Variants in PPFIBP1 observed in about 807,000 individuals in gnomAD.
PPFIBP1 encodes the protein PPFIB scaffold protein 1.
In PPFIBP1, 112 loss-of-function variants were observed where a neutral mutation model predicts 137.8. That is an observed-to-expected ratio of 0.81 (90% CI 0.70 to 0.95). PPFIBP1 has a LOEUF of 0.95. Among genes scored for constraint, PPFIBP1 ranks in the 40% least tolerant of loss-of-function variants. The pLI is 0.00. For synonymous variants in PPFIBP1, 378 were observed against 417.3 expected (o/e 0.91, Z 1.15); for missense variants, 1,083 against 1,196.6 (o/e 0.91, Z 1.40).
Position 27,673,835 on chromosome 12 carries a change from C to T in PPFIBP1, c.1380+8C>T. 3 of 1,610,954 alleles carry T rather than the reference C, an allele frequency of 1.9e-6. No homozygotes were observed. In the South Asian group the frequency reaches 3.3e-5, roughly 18 times the overall value. ...AAAGAGACATCTGATGGGGTGGGTT[C>T]TGTGTTTTTTGTTTTTTTTTGTCTG... On this transcript the variant is annotated splice_region_variant and intron_variant, in intron 16 of 29. Coordinates refer to ENST00000228425, the MANE Select transcript of PPFIBP1 (RefSeq NM_003622.4).
At chr12:27,617,332 C>G (rs2055869264) in intron 2 of PPFIBP1, among the ~76,000 whole-genome samples, 1 of 152,162 alleles carries the variant, frequency 6.6e-6, no homozygotes, top group Non-Finnish European at 1.5e-5. Flanking sequence ...AAAGGTATGT[C>G]TCTTGGCAGG....
intron 2 of PPFIBP1, among the ~76,000 whole-genome samples, chr12:27,585,281 A>G (rs1206460146): frequency 6.6e-6 from 1 of 152,228 alleles, no homozygotes; most frequent in Non-Finnish European, 1.5e-5. Context: ...TAGTCAGAGA[A>G]GTAGAAAGAT....
At chr12:27,539,455 G>T (rs935862291) in intron 1 of PPFIBP1, among the ~76,000 whole-genome samples, 2 of 152,196 alleles carry the variant, frequency 1.3e-5, no homozygotes, top group African/African-American at 2.4e-5. Flanking sequence ...TGGTGTGCGG[G>T]TTTAAATCTT....
intron 24 of PPFIBP1, among the ~76,000 whole-genome samples, chr12:27,684,025 T>G (rs996349125): frequency 1.6e-4 from 25 of 152,112 alleles, no homozygotes; most frequent in Admixed American, 2.6e-4. Context: ...CTGACCTCGT[T>G]ATCCACCCAC....
At chr12:27,683,230 AT>A (rs2060989249) in intron 24 of PPFIBP1, among the ~76,000 whole-genome samples, 1 of 151,882 alleles carries the variant, frequency 6.6e-6, no homozygotes, top group African/African-American at 2.4e-5. Flanking sequence ...TACCCAGCTA[AT>A]TTTTTTGTAT....
At position 27,658,817 on chromosome 12, in the gene PPFIBP1, T is replaced by A; in HGVS notation, c.813T>A (p.Asp271Glu). 6.2e-7 allele frequency: 1 copy of A among 1,612,634 alleles called. No individual in the cohort carries two copies. Among genetic ancestry groups the A allele is most frequent in the Non-Finnish European group, 8.5e-7 (1 of 1,178,996 alleles). The change falls in exon 10 of 30, where the codon GAT (aspartate) becomes GAA (glutamate). Residue 271 changes from aspartate (D) to glutamate (E), a missense_variant and splice_region_variant. Coordinates refer to ENST00000228425, the MANE Select transcript of PPFIBP1 (RefSeq NM_003622.4). ...AATCCAATGGGTTTTCCTGCACAGA[T>A]GAAAATTTTAAAAAGAAGCTCAAAG... The part of the protein sequence containing the change: ...KGEGVEIVDR[D>E]ENFKKKLKEK...
intron 2 of PPFIBP1, among the ~76,000 whole-genome samples, chr12:27,600,992 T>A (rs2053923103): frequency 6.6e-6 from 1 of 152,204 alleles, no homozygotes; most frequent in Non-Finnish European, 1.5e-5. Flanking sequence ...ATCATTTCTT[T>A]CAGCTATTTT....
chr12:27,535,403 GTTGTTTGT>G (rs1035611088), intron 1 of PPFIBP1, among the ~76,000 whole-genome samples: 2 of 148,460 alleles, frequency 1.3e-5, no homozygotes, highest in African/African-American at 2.4e-5. Flanking sequence ...TGTTGTTGTT[GTTGTTTGT>G]TTTGTTTTGT....
chr12:27,642,177 G>A (rs1267046585), intron 4 of PPFIBP1, among the ~76,000 whole-genome samples: 3 of 152,180 alleles, frequency 2.0e-5, no homozygotes, highest in Non-Finnish European at 4.4e-5. Flanking sequence ...CCTGGCAGAG[G>A]CCATAAGTTC....
intron 17 of PPFIBP1, among the ~76,000 whole-genome samples, chr12:27,675,354 A>T (rs1250516400): frequency 6.6e-6 from 1 of 152,220 alleles, no homozygotes; most frequent in Non-Finnish European, 1.5e-5. Flanking sequence ...TGAGCCATGG[A>T]TGATAATATC....
chr12:27,544,637 A>G (rs547016325), intron 1 of PPFIBP1, among the ~76,000 whole-genome samples: 129 of 152,362 alleles, frequency 8.5e-4, no homozygotes, highest in African/African-American at 2.9e-3. Flanking sequence ...AAACATATGA[A>G]AAAAAGCTCA....
chr12:27,668,985 G>T (rs902549583), intron 13 of PPFIBP1, among the ~76,000 whole-genome samples: 1 of 152,044 alleles, frequency 6.6e-6, no homozygotes, highest in African/African-American at 2.4e-5. Flanking sequence ...TAATTTTAGT[G>T]TAATTTTTTT....
At chr12:27,542,514 A>G (rs1379312184) in intron 1 of PPFIBP1, among the ~76,000 whole-genome samples, 2 of 152,246 alleles carry the variant, frequency 1.3e-5, no homozygotes, top group African/African-American at 4.8e-5. Flanking sequence ...TGCCTAGTGC[A>G]GCACCACTGT....
At chr12:27,531,951 T>C (rs1013120873) in intron 1 of PPFIBP1, among the ~76,000 whole-genome samples, 1 of 152,158 alleles carries the variant, frequency 6.6e-6, no homozygotes, top group African/African-American at 2.4e-5. Context: ...CAGACAGATG[T>C]GGATTAGAAT....
At chr12:27,592,001 T>C (rs1033932208) in intron 2 of PPFIBP1, among the ~76,000 whole-genome samples, 3 of 152,228 alleles carry the variant, frequency 2.0e-5, no homozygotes, top group African/African-American at 7.2e-5. Context: ...TTGGGTTAAC[T>C]AGAGTAAAAT....
At chr12:27,629,540 T>C (rs1389972662) in intron 2 of PPFIBP1, among the ~76,000 whole-genome samples, 1 of 152,190 alleles carries the variant, frequency 6.6e-6, no homozygotes, top group African/African-American at 2.4e-5. Context: ...AACATAATGT[T>C]GCATGTATTA....
chr12:27,538,632 T>G (rs1367783262), intron 1 of PPFIBP1, among the ~76,000 whole-genome samples: 1 of 152,196 alleles, frequency 6.6e-6, no homozygotes, highest in Non-Finnish European at 1.5e-5. Context: ...TGCTACCTGG[T>G]AGGAACTCAG....
At chr12:27,583,630 A>AAT (rs1310034753) in intron 2 of PPFIBP1, among the ~76,000 whole-genome samples, 1 of 152,194 alleles carries the variant, frequency 6.6e-6, no homozygotes. Flanking sequence ...TCAAGCAGGA[A>AAT]ATAAGAGTAG....
At chr12:27,592,891 G>A in intron 2 of PPFIBP1, 1 of 466,928 alleles carries the variant, frequency 2.1e-6, no homozygotes. Flanking sequence ...TGTAGTATCA[G>A]CACTTTGGGA....
Sources: gnomAD v4.1 joint callset for allele counts (sites outside exome capture counted in the v4.1 genomes callset) on GRCh38, gnomAD v4.1.1 for gene constraint, MANE v1.5 for transcripts, NCBI Gene and HGNC (gene_info 2026-07-23, HGNC 2026-07-21) for gene names.